The following NEDD4L variants were observed in gnomAD, a reference collection of about 807,000 sequenced individuals.
The protein encoded by NEDD4L is NEDD4 like E3 ubiquitin protein ligase.
NEDD4L carries 54 observed loss-of-function variants against 148.9 expected under a neutral mutation model. The observed-to-expected ratio is 0.36, with a 90% CI of 0.29 to 0.45. The LOEUF (loss-of-function observed/expected upper bound fraction) is 0.45, where lower values mean the gene tolerates loss of function less well. Ranked by LOEUF, NEDD4L falls within the 20% of genes least tolerant of loss-of-function variation. NEDD4L has a pLI of 1.00. For missense variants in NEDD4L, 856 were observed against 1,233.8 expected (o/e 0.69, Z 4.59); for synonymous variants, 433 against 440.7 (o/e 0.98, Z 0.22).
intron 2 of NEDD4L, among the ~76,000 whole-genome samples, chr18:58,238,068 C>CTGCT (rs1446219750): frequency 1.1e-4 from 17 of 152,302 alleles, no homozygotes; most frequent in Non-Finnish European, 1.0e-4. Flanking sequence ...TCTTTTTTAG[C>CTGCT]TGCTTAGGTG....
intron 5 of NEDD4L, among the ~76,000 whole-genome samples, chr18:58,306,295 G>C (rs562413733): frequency 5.3e-5 from 8 of 152,002 alleles, no homozygotes; most frequent in African/African-American, 1.9e-4. Context: ...TGGGGGAGAT[G>C]AGGGGGGTGA....
At chr18:58,248,375 GAAAA>G (rs1003054115) in intron 3 of NEDD4L, among the ~76,000 whole-genome samples, 1 of 151,852 alleles carries the variant, frequency 6.6e-6, no homozygotes, top group African/African-American at 2.4e-5. Flanking sequence ...TATTTTTGGA[GAAAA>G]AAATAATTCA....
At chr18:58,368,045 C>T (rs1013105384) in intron 22 of NEDD4L, among the ~76,000 whole-genome samples, 178 bp downstream of exon 22, 3 of 152,158 alleles carry the variant, frequency 2.0e-5, no homozygotes, top group African/African-American at 4.8e-5. Flanking sequence ...GCACTGAAGA[C>T]ATAGTGTCTA....
chr18:58,201,170 T>C (rs1291869888), intron 2 of NEDD4L, among the ~76,000 whole-genome samples: 1 of 152,088 alleles, frequency 6.6e-6, no homozygotes, highest in Non-Finnish European at 1.5e-5. Context: ...CCATCTCTAC[T>C]AAAAATACAA....
intron 1 of NEDD4L, among the ~76,000 whole-genome samples, chr18:58,140,970 T>G (rs1283458516): frequency 6.6e-6 from 1 of 152,168 alleles, no homozygotes; most frequent in Non-Finnish European, 1.5e-5. Flanking sequence ...ATGGTGGGGT[T>G]TTGTGAGTTG....
chr18:58,234,803 C>G (rs1170802639), intron 2 of NEDD4L, among the ~76,000 whole-genome samples: 1 of 152,114 alleles, frequency 6.6e-6, no homozygotes, highest in Non-Finnish European at 1.5e-5. Flanking sequence ...AAGATCTTGC[C>G]TCAGGGCTTT....
chr18:58,282,108 T>A (rs969795692), intron 5 of NEDD4L, among the ~76,000 whole-genome samples: 2 of 106,878 alleles, frequency 1.9e-5, no homozygotes, highest in Admixed American at 8.6e-5. Flanking sequence ...ATCTAGTTAT[T>A]TATACAGCTA....
chr18:58,248,658 A>G (rs947385988), intron 3 of NEDD4L, among the ~76,000 whole-genome samples: 1 of 152,074 alleles, frequency 6.6e-6, no homozygotes, highest in African/African-American at 2.4e-5. Context: ...CAGGCCTTTG[A>G]TGTTTTTCCT....
intron 17 of NEDD4L, among the ~76,000 whole-genome samples, chr18:58,350,234 GT>G (rs879803079): frequency 2.6e-5 from 4 of 152,104 alleles, no homozygotes; most frequent in Non-Finnish European, 5.9e-5. Context: ...GGGAATTTTT[GT>G]TGTTGTTTTC....
intron 13 of NEDD4L, among the ~76,000 whole-genome samples, chr18:58,339,881 G>A (rs1423579145): frequency 6.6e-6 from 1 of 152,142 alleles, no homozygotes; most frequent in African/African-American, 2.4e-5. Flanking sequence ...GGTGGCATAA[G>A]CACAGGAAGA....
intron 2 of NEDD4L, among the ~76,000 whole-genome samples, chr18:58,187,299 G>A (rs778314732): frequency 7.2e-5 from 11 of 152,168 alleles, no homozygotes; most frequent in Middle Eastern, 3.2e-3. Flanking sequence ...CTGGGCATTG[G>A]CTTTCTGCAC....
At chr18:58,113,891 T>G (rs2085581192) in intron 1 of NEDD4L, among the ~76,000 whole-genome samples, 1 of 151,872 alleles carries the variant, frequency 6.6e-6, no homozygotes, top group South Asian at 2.1e-4. Flanking sequence ...ACCTCATGGG[T>G]CTTCCTGCCC....
At chr18:58,294,494 AACTGTT>A (rs1318099226) in intron 5 of NEDD4L, among the ~76,000 whole-genome samples, 1 of 152,164 alleles carries the variant, frequency 6.6e-6, no homozygotes, top group Non-Finnish European at 1.5e-5. Flanking sequence ...AATGAACAGA[AACTGTT>A]GCTCTTTCAA....
chr18:58,350,230 T>G (rs1272424648), intron 17 of NEDD4L, among the ~76,000 whole-genome samples: 8 of 152,176 alleles, frequency 5.3e-5, no homozygotes, highest in African/African-American at 1.9e-4. Context: ...AAATGGGAAT[T>G]TTTGTTGTTG....
intron 2 of NEDD4L, among the ~76,000 whole-genome samples, chr18:58,178,794 A>G (rs2146919419): frequency 6.6e-6 from 1 of 152,320 alleles, no homozygotes; most frequent in South Asian, 2.1e-4. Context: ...TGTTATAGGC[A>G]TGTTATTGTG....
At chr18:58,158,626 T>TTAC (rs2035806170) in intron 1 of NEDD4L, among the ~76,000 whole-genome samples, 2 of 151,998 alleles carry the variant, frequency 1.3e-5, no homozygotes, top group African/African-American at 2.4e-5. Flanking sequence ...GAAACTCATA[T>TTAC]CCTTAGGGTG....
intron 1 of NEDD4L, among the ~76,000 whole-genome samples, chr18:58,163,958 A>G (rs1361875263): frequency 6.6e-6 from 1 of 151,862 alleles, no homozygotes; most frequent in Non-Finnish European, 1.5e-5. Flanking sequence ...TTGACTAAAC[A>G]TGTTGGGTAA....
chr18:58,247,604 TCTC>T (rs2047419573), intron 3 of NEDD4L: 1 of 152,408 alleles, frequency 6.6e-6, no homozygotes, highest in African/African-American at 2.4e-5. Context: ...TTGCCCTCCT[TCTC>T]CTGCTGCCCG....
chr18:58,330,338 T>C (rs557069004), intron 10 of NEDD4L, among the ~76,000 whole-genome samples: 1 of 152,364 alleles, frequency 6.6e-6, no homozygotes, highest in South Asian at 2.1e-4. Context: ...GACAATTGTT[T>C]ATAAACTCCA....
Sources: gnomAD v4.1 joint callset for allele counts (sites outside exome capture counted in the v4.1 genomes callset) on GRCh38, gnomAD v4.1.1 for gene constraint, MANE v1.5 for transcripts, NCBI Gene and HGNC (gene_info 2026-07-23, HGNC 2026-07-21) for gene names.